Variants in FBN2 observed in about 807,000 individuals in gnomAD.
FBN2 encodes fibrillin-2.
Under a neutral mutation model 355.6 loss-of-function variants are expected in FBN2, and 105 were observed. The ratio of observed to expected loss-of-function variants is 0.30; its 90% CI spans 0.25 to 0.35. The LOEUF is 0.35. Ranked by LOEUF, FBN2 falls within the 10% of genes least tolerant of loss-of-function variation. The pLI is 1.00. For synonymous variants in FBN2, 1,350 were observed against 1,301.2 expected (o/e 1.04, Z -0.81); for missense variants, 3,280 against 3,758.7 (o/e 0.87, Z 3.33).
chr5:128,357,571 A>C (rs1751535179), intron 19 of FBN2, among the ~76,000 whole-genome samples, 176 bp from the exon 20 acceptor site: 1 of 152,242 alleles, frequency 6.6e-6, no homozygotes, highest in Non-Finnish European at 1.5e-5. Flanking sequence ...CATCGTGGAT[A>C]CACATCTATA....
At chr5:128,346,301 G>C (rs929228266) in intron 23 of FBN2, among the ~76,000 whole-genome samples, 4 of 152,178 alleles carry the variant, frequency 2.6e-5, no homozygotes, top group Admixed American at 2.6e-4. Context: ...ATGTTCATCT[G>C]TTAGCAAATA....
chr5:128,473,504 C>A (rs1754928102), intron 5 of FBN2, among the ~76,000 whole-genome samples: 1 of 152,148 alleles, frequency 6.6e-6, no homozygotes, highest in Non-Finnish European at 1.5e-5. Context: ...CATGGTGAAT[C>A]ACAGAGCTAA....
At chr5:128,308,973 GATA>G (rs1295069377) in intron 41 of FBN2, among the ~76,000 whole-genome samples, 1 of 152,168 alleles carries the variant, frequency 6.6e-6, no homozygotes, top group African/African-American at 2.4e-5. Flanking sequence ...CACAGTTTAA[GATA>G]ATGAGTTTAA....
At chr5:128,446,245 C>G (rs996793261) in intron 7 of FBN2, 1 of 404,520 alleles carries the variant, frequency 2.5e-6, no homozygotes, top group African/African-American at 2.0e-5. Flanking sequence ...CTCCCATTCT[C>G]AATGCAACAC....
intron 62 of FBN2, among the ~76,000 whole-genome samples, chr5:128,266,971 GC>G (rs1220804490): frequency 2.9e-5 from 4 of 140,108 alleles, no homozygotes. Context: ...ACCTCCCCTC[GC>G]CCCCCAACCC....
chr5:128,325,726 T>G (rs911997488), intron 34 of FBN2, among the ~76,000 whole-genome samples: 2 of 152,210 alleles, frequency 1.3e-5, no homozygotes, highest in African/African-American at 4.8e-5. Context: ...GTTTATAGTT[T>G]TTGTCTTTTC....
chr5:128,348,085 C>A lies in FBN2; in HGVS notation c.2989+1262G>T, dbSNP rs560829699. Among the ~76,000 whole-genome samples the A allele has an allele frequency of 9.9e-5, 15 of 152,212 alleles. No homozygotes were observed. The South Asian group carries it at 2.7e-3, about 27-fold the overall frequency. Reference sequence around the variant, plus strand: ...TACAGGCGTAAGCCACCACTCCCAGCCATAATTTTGAATAATGTTATTGAA... The same window carrying A: ...TACAGGCGTAAGCCACCACTCCCAGACATAATTTTGAATAATGTTATTGAA... On this transcript the variant is annotated intron_variant, in intron 23 of 64. Coordinates refer to ENST00000262464, the MANE Select transcript of FBN2 (RefSeq NM_001999.4).
At chr5:128,404,027 C>T (rs1404059039) in intron 8 of FBN2, among the ~76,000 whole-genome samples, 2 of 152,160 alleles carry the variant, frequency 1.3e-5, no homozygotes, top group African/African-American at 2.4e-5. Flanking sequence ...ATGTCACTTT[C>T]AGCACATGTG....
At chr5:128,424,492 A>T (rs1753435421) in intron 7 of FBN2, among the ~76,000 whole-genome samples, 1 of 152,190 alleles carries the variant, frequency 6.6e-6, no homozygotes, top group South Asian at 2.1e-4. Context: ...TATGCAGAGG[A>T]TGAAAGCCTG....
At chr5:128,331,577 T>C (rs1339122370) in intron 32 of FBN2, among the ~76,000 whole-genome samples, 2 of 152,118 alleles carry the variant, frequency 1.3e-5, no homozygotes, top group African/African-American at 4.8e-5. Flanking sequence ...GAATCCATGG[T>C]TTAAAAGCTT....
At chr5:128,411,642 T>C (rs906003198) in intron 7 of FBN2, among the ~76,000 whole-genome samples, 2 of 152,120 alleles carry the variant, frequency 1.3e-5, no homozygotes, top group Non-Finnish European at 1.5e-5. Flanking sequence ...TTGGGGTTTT[T>C]ATAGGTACAG....
Position 128,305,892 on chromosome 5 carries a change from G to C in FBN2, c.5479C>G (p.Gln1827Glu). Residue 1827 changes from glutamine (Q) to glutamate (E), a missense_variant, in exon 43 of 65, where the codon CAG (glutamine) becomes GAG (glutamate). Transcript: ENST00000262464. The part of the protein sequence containing the change: ...GICANGVCIN[Q>E]IGSFRCECPT... ...CATTCACAGCGGAAACTGCCAATCT[G>C]GTTAATGCACACACCATTTGCACAA... 1 of 1,613,542 alleles carries C rather than the reference G, an allele frequency of 6.2e-7. No individual in the cohort carries two copies. The highest frequency in any genetic ancestry group is 8.5e-7 in the Non-Finnish European group (1 of 1,179,606).
chr5:128,268,916 C>T lies in FBN2; in HGVS notation c.7960+3083G>A, dbSNP rs560165418. Among the ~76,000 whole-genome samples, 7 of 152,228 alleles carry T rather than the reference C, an allele frequency of 4.6e-5. No individual in the cohort carries two copies. In the South Asian group the frequency reaches 1.2e-3, roughly 27 times the overall value. On this transcript the variant is annotated intron_variant, in intron 62 of 64. Coordinates refer to ENST00000262464, the MANE Select transcript of FBN2 (RefSeq NM_001999.4). ...TTTATGACAAACCCACAGTCAATAT[C>T]ATATTGAATGGGCAGAAGCTGGAAG...
In FBN2 at chr5:128,538,180, C is replaced by T; in HGVS notation, c.-577G>A. ...GCGGCTGCGGAGCCGGGCGGAGGTG[C>T]GCGGGGCCGGGGCGTGCGGCCAGCA... On this transcript the variant is annotated 5_prime_UTR_variant, in exon 1 of 65. Transcript: ENST00000262464. 6.5e-6 allele frequency: 1 copy of T among 154,782 alleles called. No homozygotes were observed. The highest frequency in any genetic ancestry group is 1.4e-5 in the Non-Finnish European group (1 of 69,596). 9.6% of individuals were successfully genotyped at this position (154,782 alleles called of 1,614,324 possible). A position where few individuals can be genotyped will look rare whatever the true frequency, so the allele number is the denominator to read the frequency against.
At chr5:128,288,144 T>C (rs1581189785) in intron 53 of FBN2, among the ~76,000 whole-genome samples, 2 of 152,008 alleles carry the variant, frequency 1.3e-5, no homozygotes, top group African/African-American at 4.8e-5. Context: ...CATTAACCAA[T>C]ATACTGAAAA....
chr5:128,335,257 C>T lies in FBN2; in HGVS notation c.3886G>A (p.Gly1296Ser). The change falls in exon 30 of 65, where the codon GGC (glycine) becomes AGC (serine). Residue 1296 changes from glycine (G) to serine (S), a missense_variant. Physicochemically the swap from Gly to Ser is moderately conservative, Grantham distance 56. Transcript: ENST00000262464. Reference protein sequence around the residue: ...ECENNPDICDGGQCTNIPGEY... With the variant: ...ECENNPDICDSGQCTNIPGEY... ...CCAGGAATGTTGGTACACTGGCCGC[C>T]ATCACAGATATCAGGATTGTTTTCA... The T allele has an allele frequency of 6.2e-7, 1 of 1,614,072 alleles. No individual in the cohort carries two copies. Among genetic ancestry groups the T allele is most frequent in the Non-Finnish European group, 8.5e-7 (1 of 1,179,960 alleles).
chr5:128,289,125 AC>A lies in FBN2; in HGVS notation c.6637+1del. 6.2e-7 allele frequency: 1 copy of A among 1,613,918 alleles called. No homozygotes were observed. Among genetic ancestry groups the A allele is most frequent in the Non-Finnish European group, 8.5e-7 (1 of 1,179,802 alleles). On this transcript the variant is annotated splice_donor_variant, in intron 52 of 64. Transcript: ENST00000262464. LOFTEE classifies it high-confidence loss of function. ...ATTCTGTAATGTGGAGCCAACACTC[AC>A]CCACACAGCGTACTCCAGTGTAGTC...
At chr5:128,390,082 C>T (rs1008543901) in intron 11 of FBN2, among the ~76,000 whole-genome samples, 3 of 152,222 alleles carry the variant, frequency 2.0e-5, no homozygotes, top group Admixed American at 6.5e-5. Context: ...TACTGCAGAT[C>T]CTGCTGCTAG....
At position 128,357,401 on chromosome 5, in the gene FBN2, A is replaced by G. The variant is rs376507178; in HGVS notation, c.2555-6T>C. 82 of 1,613,614 alleles carry G rather than the reference A, an allele frequency of 5.1e-5. No homozygotes were observed. The highest frequency in any genetic ancestry group is 6.7e-5 in the Non-Finnish European group (79 of 1,179,678). The stretch of plus-strand genomic sequence containing the variant: ...GCTTTCACATTCATTTATATCTACA[A>G]TCCAGAAGGAAAAGATTCTGTTAGA... On this transcript the variant is annotated splice_polypyrimidine_tract_variant and splice_region_variant and intron_variant, in intron 19 of 64. Transcript: ENST00000262464.
Sources: allele counts gnomAD v4.1 joint callset (sites outside exome capture counted in the v4.1 genomes callset), GRCh38; gene constraint gnomAD v4.1.1; transcripts MANE v1.5; gene names NCBI Gene and HGNC (gene_info 2026-07-23, HGNC 2026-07-21).